PCDHA8: variants seen among roughly 807,000 people sequenced by gnomAD.
The protein encoded by PCDHA8 is protocadherin alpha 8.
PCDHA8 carries 53 observed loss-of-function variants against 61.8 expected under a neutral mutation model. That is an observed-to-expected ratio of 0.86 (90% CI 0.69 to 1.08). PCDHA8 has a LOEUF of 1.08. Among genes scored for constraint, PCDHA8 ranks in the 50% least tolerant of loss-of-function variants. The pLI is 0.00. For synonymous variants in PCDHA8, 618 were observed against 556.6 expected (o/e 1.11, Z -1.55); for missense variants, 1,293 against 1,245.0 (o/e 1.04, Z -0.58).
chr5:140,841,683 T>C lies in PCDHA8; in HGVS notation c.362T>C (p.Val121Ala). 6.2e-7 allele frequency: 1 copy of C among 1,613,816 alleles called. No individual in the cohort carries two copies. Among genetic ancestry groups the C allele is most frequent in the South Asian group, 1.1e-5 (1 of 91,058 alleles). The change falls in exon 1 of 4, where the codon GTG becomes GCG. Residue 121 changes from valine (V) to alanine (A), a missense_variant. Physicochemically the swap from Val to Ala is moderately conservative, Grantham distance 64. Transcript: ENST00000531613. ...CCGCTGCAGGTTTTCCATGTGGACG[T>C]GGAGGTGAAGGATGTTAATGACAAC... is the stretch of plus-strand genomic sequence containing the variant. ...DRPLQVFHVD[V>A]EVKDVNDNPP...
At chr5:140,894,296 C>T (rs1434101692) in intron 1 of PCDHA8, among the ~76,000 whole-genome samples, 4 of 151,798 alleles carry the variant, frequency 2.6e-5, no homozygotes, top group African/African-American at 4.8e-5. Flanking sequence ...AGTTTATTTT[C>T]CTGGAAAGTT....
chr5:140,962,595 A>G (rs1307695991), intron 1 of PCDHA8, among the ~76,000 whole-genome samples: 1 of 152,192 alleles, frequency 6.6e-6, no homozygotes, highest in Non-Finnish European at 1.5e-5. Flanking sequence ...TTTGACTGAT[A>G]TATTTCTTCT....
intron 1 of PCDHA8, chr5:140,930,201 A>G (rs1185112868): frequency 6.6e-6 from 1 of 152,178 alleles, no homozygotes; most frequent in Non-Finnish European, 1.5e-5. Flanking sequence ...TTATGTCAGA[A>G]ATATTTATGT....
rs782773036 is a variant in PCDHA8 at position 140,870,430 on chromosome 5, G to T, written c.2394+26715G>T. 3 of 1,614,226 alleles carry T rather than the reference G, an allele frequency of 1.9e-6. No homozygotes were observed. In the African/African-American group the frequency reaches 4.0e-5, roughly 22 times the overall value. The stretch of plus-strand genomic sequence containing the variant: ...GTGGGCCACGGCCAGGGTATCCGTG[G>T]AGGTGGCCGACGTGAACGACAATGC... On this transcript the variant is annotated intron_variant, in intron 1 of 3. Transcript: ENST00000531613.
Position 140,843,584 on chromosome 5 carries a change from C to T in PCDHA8, c.2263C>T (p.Pro755Ser). The change falls in exon 1 of 4, where the codon CCG becomes TCG. Residue 755 changes from proline to serine, a missense_variant. Pro to Ser is a moderately conservative substitution (Grantham distance 74). Coordinates refer to ENST00000531613, the MANE Select transcript of PCDHA8 (RefSeq NM_018911.3). ...VGSWSYSQQQ[P>S]QRVCSGEGPP... The stretch of plus-strand genomic sequence containing the variant: ...GAGCTGGTCATACTCGCAACAACAG[C>T]CGCAGAGGGTGTGCTCTGGTGAGGG... 1.9e-6 allele frequency: 3 copies of T among 1,595,998 alleles called. No homozygotes were observed. In the East Asian group the frequency reaches 6.7e-5, roughly 36 times the overall value.
intron 1 of PCDHA8, chr5:140,876,441 T>C (rs1582281358): frequency 6.2e-7 from 1 of 1,613,992 alleles, no homozygotes; most frequent in East Asian, 2.2e-5. Flanking sequence ...TTAACGCCAT[T>C]GATAAAGGGA....
intron 1 of PCDHA8, among the ~76,000 whole-genome samples, chr5:140,941,216 T>TTTCTTTCTTTCTTTCTTTC (rs2092891567): frequency 8.0e-6 from 1 of 124,950 alleles, no homozygotes; most frequent in East Asian, 2.2e-4. Context: ...TCTTTCTTCC[T>TTTCTTTCTTTCTTTCTTTC]TTCTTTCTTT....
rs2150334258 is a variant in PCDHA8 at position 140,842,331 on chromosome 5, T to A, written c.1010T>A (p.Leu337Ter). 3.4e-5 allele frequency: 55 copies of A among 1,607,694 alleles called. No individual in the cohort carries two copies. The East Asian group carries it at 1.2e-3, about 35-fold the overall frequency. Residue 337 changes from leucine to a stop codon, truncating the protein, a stop_gained, in exon 1 of 4, where the codon TTA becomes TAA. Coordinates refer to ENST00000531613, the MANE Select transcript of PCDHA8 (RefSeq NM_018911.3). LOFTEE classifies it high-confidence loss of function. ...CCCATGGCGGGTCATTGCACCGTTT[T>A]AGTGAGAATTTTGGATAAAAATGAT... ...HPPMAGHCTV[L>*]VRILDKNDNV...
chr5:140,883,551 G>T, intron 1 of PCDHA8: 4 of 1,614,234 alleles, frequency 2.5e-6, no homozygotes, highest in Non-Finnish European at 3.4e-6. Flanking sequence ...GTGACCGCGC[G>T]GGACGGGGGC....
intron 1 of PCDHA8, among the ~76,000 whole-genome samples, chr5:140,893,560 T>C (rs964266537): frequency 4.6e-5 from 7 of 152,232 alleles, no homozygotes; most frequent in Admixed American, 4.6e-4. Flanking sequence ...AGTTGTAGTG[T>C]ACTTCCTCAG....
At chr5:140,871,315 C>A (rs908582761) in intron 1 of PCDHA8, 1 of 1,613,928 alleles carries the variant, frequency 6.2e-7, no homozygotes, top group African/African-American at 1.3e-5. Context: ...GAAGCCCACG[C>A]TGGTGTGCTC....
intron 1 of PCDHA8, among the ~76,000 whole-genome samples, chr5:140,961,085 T>C (rs1406733516): frequency 1.3e-5 from 2 of 152,230 alleles, no homozygotes; most frequent in East Asian, 3.8e-4. Flanking sequence ...CAAGTAATTG[T>C]TGACTTTTTG....
In PCDHA8 at chr5:140,851,734, A is replaced by G. The variant is rs2042144947; in HGVS notation, c.2394+8019A>G. 4.1e-6 allele frequency: 4 copies of G among 971,568 alleles called. 1 individual carries two copies. In the South Asian group the frequency reaches 1.9e-4, roughly 46 times the overall value. 60.2% of individuals were successfully genotyped at this position (971,568 alleles called of 1,614,324 possible). On this transcript the variant is annotated intron_variant, in intron 1 of 3. Coordinates refer to ENST00000531613, the MANE Select transcript of PCDHA8 (RefSeq NM_018911.3). ...AGATTCGAAACTTCGAGTTCTTTTG[A>G]AATTCAGAGTCTGTAACTTAAAACA...
At chr5:140,927,558 T>C (rs1554204736) in intron 1 of PCDHA8, 1 of 1,614,144 alleles carries the variant, frequency 6.2e-7, no homozygotes, top group East Asian at 2.2e-5. Context: ...TCACCATCAT[T>C]GTGGTGGACA....
At chr5:140,920,859 C>T in intron 1 of PCDHA8, among the ~76,000 whole-genome samples, 1 of 142,452 alleles carries the variant, frequency 7.0e-6, no homozygotes, top group African/African-American at 2.6e-5. Flanking sequence ...AAAAAAAAAA[C>T]AAACAAACTG....
chr5:140,951,840 C>T (rs555935634), intron 1 of PCDHA8, among the ~76,000 whole-genome samples: 2 of 152,190 alleles, frequency 1.3e-5, no homozygotes, highest in African/African-American at 4.8e-5. Flanking sequence ...AGCATTAAGC[C>T]AAAAGTCCAA....
At position 140,850,923 on chromosome 5, in the gene PCDHA8, AT is replaced by A. The variant is rs2150502772; in HGVS notation, c.2394+7216del. 1.2e-4 allele frequency: 181 copies of A among 1,521,692 alleles called. 10 individuals carry two copies. The South Asian group carries it at 1.6e-3, about 13-fold the overall frequency. 94.3% of individuals were successfully genotyped at this position (1,521,692 alleles called of 1,614,324 possible). ...TTCTAGCATTTTATTTATTTATATAATTTTTTTTCTTGAAAGATATTATCGA... is the reference window on the plus strand; with the variant it reads ...TTCTAGCATTTTATTTATTTATATAATTTTTTTCTTGAAAGATATTATCGA... On this transcript the variant is annotated intron_variant, in intron 1 of 3. Coordinates refer to ENST00000531613, the MANE Select transcript of PCDHA8 (RefSeq NM_018911.3).
Position 141,010,533 on chromosome 5 carries a change from C to T in PCDHA8, c.*596C>T, listed in dbSNP as rs1466502614. 4 of 390,018 alleles carry T rather than the reference C, an allele frequency of 1.0e-5. No homozygotes were observed. Among genetic ancestry groups the T allele is most frequent in the African/African-American group, 8.2e-5 (4 of 49,000 alleles). 24.2% of individuals were successfully genotyped at this position (390,018 alleles called of 1,614,324 possible). ...TACAACTCAAGAGGTGGCAGCCACCCTCTAGGAGACAAAACTACCCCCACT... is the reference window on the plus strand; with the variant it reads ...TACAACTCAAGAGGTGGCAGCCACCTTCTAGGAGACAAAACTACCCCCACT... On this transcript the variant is annotated 3_prime_UTR_variant, in exon 4 of 4. Transcript: ENST00000531613.
Position 140,856,765 on chromosome 5 carries a change from T to C in PCDHA8, c.2394+13050T>C, listed in dbSNP as rs1554149084. On this transcript the variant is annotated intron_variant, in intron 1 of 3. Transcript: ENST00000531613. ...TGTTAGATGCCAATGATAACGCCCCTATCTTTGACAGACCGGTTTATGAAG... is the reference window on the plus strand; with the variant it reads ...TGTTAGATGCCAATGATAACGCCCCCATCTTTGACAGACCGGTTTATGAAG... The C allele has an allele frequency of 2.5e-6, 4 of 1,596,946 alleles. No homozygotes were observed. In the South Asian group the frequency reaches 4.4e-5, roughly 18 times the overall value.
Sources: allele counts gnomAD v4.1 joint callset (sites outside exome capture counted in the v4.1 genomes callset), GRCh38; gene constraint gnomAD v4.1.1; transcripts MANE v1.5; gene names NCBI Gene and HGNC (gene_info 2026-07-23, HGNC 2026-07-21).